MPHOSPH8: variants seen among roughly 807,000 people sequenced by gnomAD.
MPHOSPH8 encodes the protein M-phase phosphoprotein 8, also known as M-phase phosphoprotein, mpp.
A neutral mutation model predicts 87.3 loss-of-function variants in MPHOSPH8; 45 were observed. The observed-to-expected ratio is 0.52, with a 90% CI of 0.41 to 0.66. The LOEUF (loss-of-function observed/expected upper bound fraction) is 0.66, where lower values mean the gene tolerates loss of function less well. Ranked by LOEUF, MPHOSPH8 falls within the 30% of genes least tolerant of loss-of-function variation. The pLI is 0.00. For synonymous variants in MPHOSPH8, 366 were observed against 376.9 expected (o/e 0.97, Z 0.33); for missense variants, 883 against 1,020.2 (o/e 0.87, Z 1.83).
intron 1 of MPHOSPH8, among the ~76,000 whole-genome samples, chr13:19,637,396 CATTT>C (rs1024838011): frequency 2.0e-5 from 3 of 152,088 alleles, no homozygotes; most frequent in African/African-American, 4.8e-5. Context: ...AGTTGTTAAT[CATTT>C]ATTTATCTTT....
At position 19,673,087 on chromosome 13, in the gene MPHOSPH8, GGTTTTTTTTT is replaced by G. The variant is rs1417205600; in HGVS notation, c.*1223_*1232del. On this transcript the variant is annotated 3_prime_UTR_variant, in exon 14 of 14. Coordinates refer to ENST00000361479, the MANE Select transcript of MPHOSPH8 (RefSeq NM_017520.4). ...AAAAAAAGTTTCTTGGAACCTATAC[GGTTTTTTTTT>G]GTTTTTTTTTTTTGAAAAGCCAGAC... 1 of 52,654 alleles carries G rather than the reference GGTTTTTTTTT, an allele frequency of 1.9e-5. No homozygotes were observed. Among genetic ancestry groups the G allele is most frequent in the Admixed American group, 2.8e-4 (1 of 3,552 alleles). The allele number at this position is 52,654 out of a possible 1,614,324, so 3.3% of individuals were successfully genotyped here.
intron 11 of MPHOSPH8, 131 bp downstream of exon 11, chr13:19,668,662 G>T: frequency 9.7e-7 from 1 of 1,028,596 alleles, no homozygotes; most frequent in East Asian, 2.6e-5. Context: ...CTGCAGACCG[G>T]TTAACAGTAG....
intron 5 of MPHOSPH8, among the ~76,000 whole-genome samples, chr13:19,654,802 G>A (rs987607768): frequency 6.6e-6 from 1 of 152,110 alleles, no homozygotes; most frequent in Non-Finnish European, 1.5e-5. Context: ...TACAAAATTA[G>A]CTGGATGTGG....
At position 19,668,539 on chromosome 13, in the gene MPHOSPH8, G is replaced by A. The variant is rs1026446755; in HGVS notation, c.2329+8G>A. The A allele has an allele frequency of 7.5e-6, 12 of 1,610,020 alleles. No individual in the cohort carries two copies. The highest frequency in any genetic ancestry group is 4.5e-5 in the East Asian group (2 of 44,848). ...CACAGAACATACCAGAAGGTAAGCC[G>A]ATGCCTCCCTTCACACTTTTCTATG... is the stretch of plus-strand genomic sequence containing the variant. On this transcript the variant is annotated splice_region_variant and intron_variant, in intron 11 of 13. Transcript: ENST00000361479.
intron 9 of MPHOSPH8, among the ~76,000 whole-genome samples, chr13:19,665,850 T>G (rs540417422): frequency 2.2e-3 from 333 of 152,362 alleles, no homozygotes; most frequent in African/African-American, 7.9e-3. Context: ...AGACAGTCTG[T>G]CAGCTGTGCC....
chr13:19,659,664 C>CAA (rs563692515), intron 7 of MPHOSPH8: 312 of 321,428 alleles, frequency 9.7e-4, no homozygotes, highest in East Asian at 2.6e-3. Context: ...ACTCCCATCT[C>CAA]AAAAAAAAAA....
intron 5 of MPHOSPH8, among the ~76,000 whole-genome samples, chr13:19,656,900 T>TCA (rs1420491233): frequency 2.7e-5 from 4 of 148,420 alleles, no homozygotes; most frequent in Non-Finnish European, 4.5e-5. Context: ...GGAGGGTGGA[T>TCA]CACTTGAGGT....
chr13:19,672,097 C>A lies in MPHOSPH8; in HGVS notation c.*222C>A. 1 of 558,994 alleles carries A rather than the reference C, an allele frequency of 1.8e-6. No individual in the cohort carries two copies. The highest frequency in any genetic ancestry group is 2.5e-5 in the South Asian group (1 of 39,920). 34.6% of individuals were successfully genotyped at this position (558,994 alleles called of 1,614,324 possible). A position where few individuals can be genotyped will look rare whatever the true frequency, so the allele number is the denominator to read the frequency against. ...TCCAGACTGCGTATTTCAGTTTTTC[C>A]ACAATGTGGATAGTACATATGAGGA... On this transcript the variant is annotated 3_prime_UTR_variant, in exon 14 of 14. Transcript: ENST00000361479.
intron 1 of MPHOSPH8, among the ~76,000 whole-genome samples, chr13:19,635,857 C>G (rs1295175172): frequency 6.6e-6 from 1 of 152,102 alleles, no homozygotes. Context: ...GTCAAGGGCG[C>G]GACCAGGTGG....
chr13:19,670,152 G>T, intron 11 of MPHOSPH8, 84 bp from the exon 12 acceptor site: 1 of 1,539,162 alleles, frequency 6.5e-7, no homozygotes, highest in African/African-American at 1.4e-5. Context: ...CCAGCTCAGG[G>T]GCCTGCTTCC....
At chr13:19,639,314 T>TC in intron 1 of MPHOSPH8, among the ~76,000 whole-genome samples, 1 of 151,464 alleles carries the variant, frequency 6.6e-6, no homozygotes, top group South Asian at 2.1e-4. Context: ...GGAATGTCTT[T>TC]TTTTTTTTTC....
intron 12 of MPHOSPH8, chr13:19,670,907 C>G: frequency 1.0e-6 from 1 of 989,332 alleles, no homozygotes; most frequent in Non-Finnish European, 1.4e-6. Context: ...GGAGTCTTGA[C>G]TTCCCAGGCA....
intron 7 of MPHOSPH8, chr13:19,660,905 T>G (rs1453694472): frequency 7.1e-6 from 7 of 984,686 alleles, no homozygotes. Flanking sequence ...TCACTGTTCA[T>G]TTTGTATGGT....
In MPHOSPH8 at chr13:19,646,559, G is replaced by C. The variant is rs1160887290; in HGVS notation, c.486G>C (p.Glu162Asp). Residue 162 changes from glutamate (E) to aspartate (D), a missense_variant, in exon 3 of 14, where the codon GAG (glutamate) becomes GAC (aspartate). By Grantham distance (45) the Glu-to-Asp change is conservative. Transcript: ENST00000361479. ...KKKKKLRQRE[E>D]KSPDDLKKKK... is the part of the protein sequence containing the mutation. ...AGAAAAAATTGAGGCAGAGAGAAGAGAAAAGCCCAGATGATCTGAAAAAGA... is the reference window on the plus strand; with the variant it reads ...AGAAAAAATTGAGGCAGAGAGAAGACAAAAGCCCAGATGATCTGAAAAAGA... The C allele has an allele frequency of 1.3e-5, 20 of 1,583,754 alleles. No individual in the cohort carries two copies. Among genetic ancestry groups the C allele is most frequent in the Non-Finnish European group, 1.5e-5 (18 of 1,172,946 alleles).
Position 19,671,829 on chromosome 13 carries a change from A to G in MPHOSPH8, c.2542-5A>G. On this transcript the variant is annotated splice_region_variant and splice_polypyrimidine_tract_variant and intron_variant, in intron 13 of 13. Coordinates refer to ENST00000361479, the MANE Select transcript of MPHOSPH8 (RefSeq NM_017520.4). Reference sequence around the variant, plus strand: ...ACTGACACCTGCGTTCTTTTCTTTCAACAGGTTAAGTTGCTAATAGGTGCA... The same window carrying G: ...ACTGACACCTGCGTTCTTTTCTTTCGACAGGTTAAGTTGCTAATAGGTGCA... 9 of 1,614,056 alleles carry G rather than the reference A, an allele frequency of 5.6e-6. No individual in the cohort carries two copies. Among genetic ancestry groups the G allele is most frequent in the Non-Finnish European group, 7.6e-6 (9 of 1,179,932 alleles).
rs1875543846 is a variant in MPHOSPH8 at position 19,661,804 on chromosome 13, A to G, written c.1898A>G (p.Asn633Ser). ...GCGAAAGTGAACGGTCGGCAGAAGAACGGGACCACCGCCCTCATTCATGCT... is the reference window on the plus strand; with the variant it reads ...GCGAAAGTGAACGGTCGGCAGAAGAGCGGGACCACCGCCCTCATTCATGCT... ...KGAKVNGRQK[N>S]GTTALIHAAE... The change falls in exon 8 of 14, where the codon AAC becomes AGC. Residue 633 changes from asparagine to serine, a missense_variant. Asn to Ser is a conservative substitution (Grantham distance 46, BLOSUM62 1). Around this residue, in one of 3 missense-constraint regions of MPHOSPH8, gnomAD observed 741 missense variants for 841.5 expected, o/e 0.88. Transcript: ENST00000361479. 2 of 1,613,096 alleles carry G rather than the reference A, an allele frequency of 1.2e-6. No homozygotes were observed. The highest frequency in any genetic ancestry group is 2.7e-5 in the African/African-American group (2 of 74,852).
Position 19,641,986 on chromosome 13 carries a change from T to A in MPHOSPH8, c.214-129T>A, listed in dbSNP as rs117089687. The A allele has an allele frequency of 3.9e-6, 3 of 770,704 alleles. No individual in the cohort carries two copies. The East Asian group carries it at 9.4e-5, about 24-fold the overall frequency. 47.7% of individuals were successfully genotyped at this position (770,704 alleles called of 1,614,324 possible). ...CTCAGGAGATGTGTGTACTTTAGAA[T>A]GTGAAAATTTCCACTTAGAAGCAAT... On this transcript the variant is annotated intron_variant, in intron 1 of 13. Coordinates refer to ENST00000361479, the MANE Select transcript of MPHOSPH8 (RefSeq NM_017520.4).
chr13:19,643,680 C>G (rs1874418678), intron 2 of MPHOSPH8, among the ~76,000 whole-genome samples: 1 of 152,046 alleles, frequency 6.6e-6, no homozygotes, highest in Non-Finnish European at 1.5e-5. Flanking sequence ...AGTACATTTT[C>G]AGAGATTCTT....
chr13:19,635,481 T>C (rs141262882), intron 1 of MPHOSPH8, among the ~76,000 whole-genome samples: 1,660 of 152,242 alleles, frequency 0.011, 12 homozygotes, highest in Non-Finnish European at 0.014. Flanking sequence ...TAAAACAAGA[T>C]TGCGCCACTG....
Sources: allele counts gnomAD v4.1 joint callset (sites outside exome capture counted in the v4.1 genomes callset), GRCh38; gene constraint gnomAD v4.1.1; regional missense constraint gnomAD v4.1.1; transcripts MANE v1.5; gene names NCBI Gene and HGNC (gene_info 2026-07-23, HGNC 2026-07-21).